DACH1: variants seen among roughly 807,000 people sequenced by gnomAD.
DACH1 encodes dachshund homolog 1.
DACH1 carries 12 observed loss-of-function variants against 54.2 expected under a neutral mutation model. The ratio of observed to expected loss-of-function variants is 0.22; its 90% CI spans 0.14 to 0.36. The LOEUF (loss-of-function observed/expected upper bound fraction) is 0.36, where lower values mean the gene tolerates loss of function less well. Among genes scored for constraint, DACH1 ranks in the 10% least tolerant of loss-of-function variants. The pLI is 1.00. For synonymous variants in DACH1, 386 were observed against 366.2 expected, an observed-to-expected ratio of 1.05 and a Z score of -0.62; for missense variants, 805 against 929.8, an observed-to-expected ratio of 0.87 and a Z score of 1.75.
intron 2 of DACH1, among the ~76,000 whole-genome samples, chr13:71,642,339 C>A (rs979050776): frequency 6.6e-6 from 1 of 152,194 alleles, no homozygotes; most frequent in African/African-American, 2.4e-5. Context: ...ATTTAAATAA[C>A]CAGCTAATCA....
At chr13:71,685,212 T>C (rs1450756909) in intron 1 of DACH1, among the ~76,000 whole-genome samples, 3 of 152,164 alleles carry the variant, frequency 2.0e-5, no homozygotes, top group Non-Finnish European at 4.4e-5. Context: ...GTGGGCTCCT[T>C]TCACCACAGA....
chr13:71,618,939 T>C (rs911581386), intron 3 of DACH1, among the ~76,000 whole-genome samples: 7 of 151,748 alleles, frequency 4.6e-5, no homozygotes, highest in African/African-American at 1.7e-4. Context: ...TATTTATATT[T>C]AAAATACATA....
At chr13:71,665,238 T>C (rs189409742) in intron 2 of DACH1, among the ~76,000 whole-genome samples, 1 of 152,044 alleles carries the variant, frequency 6.6e-6, no homozygotes, top group African/African-American at 2.4e-5. Flanking sequence ...AAAAGTTTAG[T>C]AGACTTTTCC....
At chr13:71,839,642 A>T in intron 1 of DACH1, among the ~76,000 whole-genome samples, 1 of 152,200 alleles carries the variant, frequency 6.6e-6, no homozygotes, top group Middle Eastern at 3.4e-3. Flanking sequence ...AAAATTAAAA[A>T]AGGAGTTCAC....
At chr13:71,729,692 T>C (rs879651493) in intron 1 of DACH1, among the ~76,000 whole-genome samples, 8 of 152,096 alleles carry the variant, frequency 5.3e-5, no homozygotes, top group African/African-American at 9.7e-5. Flanking sequence ...AAAATATGCA[T>C]ATGTGAATTC....
intron 1 of DACH1, among the ~76,000 whole-genome samples, chr13:71,712,227 AT>A (rs932260542): frequency 1.3e-5 from 2 of 151,996 alleles, no homozygotes; most frequent in East Asian, 1.9e-4. Flanking sequence ...CTTAAATCAT[AT>A]TTTTTTCAGA....
At chr13:71,795,211 T>C (rs890280803) in intron 1 of DACH1, among the ~76,000 whole-genome samples, 1 of 152,190 alleles carries the variant, frequency 6.6e-6, no homozygotes, top group South Asian at 2.1e-4. Flanking sequence ...GTTTGTTTTT[T>C]AAGCTAAAGA....
intron 2 of DACH1, among the ~76,000 whole-genome samples, chr13:71,642,067 T>C (rs1877946548): frequency 1.3e-5 from 2 of 152,232 alleles, no homozygotes; most frequent in Middle Eastern, 3.2e-3. Context: ...CAGGAACTTT[T>C]ACTTTGTTTC....
intron 10 of DACH1, among the ~76,000 whole-genome samples, chr13:71,449,440 G>T (rs2138111987): frequency 6.6e-6 from 1 of 152,214 alleles, no homozygotes; most frequent in African/African-American, 2.4e-5. Flanking sequence ...GGGCTGGTAT[G>T]CTCATGTTCT....
rs185997478 is a variant in DACH1 at position 71,691,027 on chromosome 13, A to G, written c.849-9117T>C. ...TTTTTCAATTTACATTTCAAATGAC[A>G]AGATATTCACAGCAATTACTATTGG... On this transcript the variant is annotated intron_variant, in intron 1 of 10. Transcript: ENST00000613252. Among the ~76,000 whole-genome samples the G allele has an allele frequency of 9.8e-5, 15 of 152,350 alleles. No individual in the cohort carries two copies. In the East Asian group the frequency reaches 2.7e-3, roughly 27 times the overall value.
intron 3 of DACH1, among the ~76,000 whole-genome samples, chr13:71,576,537 A>G (rs1885536529): frequency 6.6e-6 from 1 of 152,160 alleles, no homozygotes; most frequent in African/African-American, 2.4e-5. Flanking sequence ...TACATCTTTT[A>G]AGATGGACCA....
At chr13:71,776,215 G>A (rs975983782) in intron 1 of DACH1, among the ~76,000 whole-genome samples, 2 of 152,126 alleles carry the variant, frequency 1.3e-5, no homozygotes, top group African/African-American at 4.8e-5. Context: ...ATCTATGAGG[G>A]AAATAGTCCA....
At chr13:71,762,506 C>T (rs1885441742) in intron 1 of DACH1, among the ~76,000 whole-genome samples, 1 of 151,880 alleles carries the variant, frequency 6.6e-6, no homozygotes, top group Non-Finnish European at 1.5e-5. Flanking sequence ...CTTTGGGAGG[C>T]CGAGGCGAGC....
At position 71,475,763 on chromosome 13, in the gene DACH1, G is replaced by C; in HGVS notation, c.1957C>G (p.Gln653Glu). The stretch of plus-strand genomic sequence containing the variant: ...GCCTGTTTTAGCGTCTGTTCTGCTT[G>C]TTCACGCCGTTTCGTCTCAAACTCA... ...ALEFETKRRE[Q>E]AEQTLKQAAS... The change falls in exon 9 of 11, where the codon CAA (glutamine) becomes GAA (glutamate). Residue 653 changes from glutamine to glutamate, a missense_variant. Physicochemically the swap from Gln to Glu is conservative, Grantham distance 29. This residue lies in a region of DACH1 where 472 missense variants were observed against 545.3 expected (regional missense o/e 0.87). Transcript: ENST00000613252. 1 of 1,613,588 alleles carries C rather than the reference G, an allele frequency of 6.2e-7. No individual in the cohort carries two copies. Among genetic ancestry groups the C allele is most frequent in the Non-Finnish European group, 8.5e-7 (1 of 1,179,906 alleles).
rs1874569257 is a variant in DACH1 at position 71,864,312 on chromosome 13, G to C, written c.848+1610C>G. On this transcript the variant is annotated intron_variant, in intron 1 of 10. Coordinates refer to ENST00000613252, the MANE Select transcript of DACH1 (RefSeq NM_080759.6). ...AACACGGAAAAGAATTTCTGGCTAG[G>C]TCAGGATAGGACATTTGCTGGACTG... 2.0e-5 allele frequency among the ~76,000 whole-genome samples: 3 copies of C among 152,066 alleles called. No individual in the cohort carries two copies. The South Asian group carries it at 6.2e-4, about 32-fold the overall frequency.
intron 6 of DACH1, among the ~76,000 whole-genome samples, chr13:71,535,856 C>A (rs553144094): frequency 4.0e-5 from 6 of 151,820 alleles, no homozygotes; most frequent in African/African-American, 1.4e-4. Context: ...ACATTGTCTT[C>A]CAAGTTGACT....
At chr13:71,749,517 C>T (rs1215172019) in intron 1 of DACH1, among the ~76,000 whole-genome samples, 3 of 152,092 alleles carry the variant, frequency 2.0e-5, no homozygotes, top group Non-Finnish European at 1.5e-5. Flanking sequence ...CAAATCCCAG[C>T]TCTTAGCACA....
chr13:71,592,622 A>G (rs879585588), intron 3 of DACH1, among the ~76,000 whole-genome samples: 3 of 152,018 alleles, frequency 2.0e-5, no homozygotes, highest in African/African-American at 7.2e-5. Flanking sequence ...CTTTACAAAT[A>G]TTATGATTTG....
chr13:71,521,659 G>A (rs1881609513), intron 6 of DACH1, among the ~76,000 whole-genome samples: 1 of 151,608 alleles, frequency 6.6e-6, no homozygotes, highest in South Asian at 2.1e-4. Context: ...TCTCTTCATG[G>A]GTGATTCCTC....
Sources: gnomAD v4.1 joint callset for allele counts (sites outside exome capture counted in the v4.1 genomes callset) on GRCh38, gnomAD v4.1.1 for gene constraint, gnomAD v4.1.1 regional missense constraint, MANE v1.5 for transcripts, NCBI Gene and HGNC (gene_info 2026-07-23, HGNC 2026-07-21) for gene names.